The following PPARGC1B variants were observed in gnomAD, a reference collection of about 807,000 sequenced individuals.
The protein encoded by PPARGC1B is peroxisome proliferator-activated receptor gamma coactivator 1-beta.
A neutral mutation model predicts 101.6 loss-of-function variants in PPARGC1B; 34 were observed. The ratio of observed to expected loss-of-function variants is 0.33; its 90% CI spans 0.25 to 0.45. PPARGC1B has a LOEUF of 0.45. Among genes scored for constraint, PPARGC1B ranks in the 20% least tolerant of loss-of-function variants. The pLI is 1.00. For missense variants in PPARGC1B, 1,234 were observed against 1,317.6 expected (o/e 0.94, Z 0.98); for synonymous variants, 548 against 539.3 (o/e 1.02, Z -0.22).
intron 1 of PPARGC1B, among the ~76,000 whole-genome samples, chr5:149,782,830 C>T (rs1411637237): frequency 6.6e-6 from 1 of 152,212 alleles, no homozygotes; most frequent in Non-Finnish European, 1.5e-5. Flanking sequence ...ATTGTGAACC[C>T]ACAGGGCTGG....
In PPARGC1B at chr5:149,765,122, G is replaced by A. The variant is rs554132045; in HGVS notation, c.78+34702G>A. 2.6e-5 allele frequency among the ~76,000 whole-genome samples: 4 copies of A among 152,334 alleles called. No homozygotes were observed. The East Asian group carries it at 7.7e-4, about 29-fold the overall frequency. On this transcript the variant is annotated intron_variant, in intron 1 of 11. Coordinates refer to ENST00000309241, the MANE Select transcript of PPARGC1B (RefSeq NM_133263.4). ...AGAATAGTGCAGAGAAAGAGGGAGG[G>A]ACCCTGTGAAACAGTTAAGTTAGGA...
At chr5:149,793,315 G>C (rs1427085003) in intron 1 of PPARGC1B, among the ~76,000 whole-genome samples, 1 of 152,162 alleles carries the variant, frequency 6.6e-6, no homozygotes, top group Non-Finnish European at 1.5e-5. Context: ...ATGTTCTCCT[G>C]CAGGAAGGGA....
At chr5:149,770,251 G>A (rs897004820) in intron 1 of PPARGC1B, among the ~76,000 whole-genome samples, 1 of 152,128 alleles carries the variant, frequency 6.6e-6, no homozygotes, top group African/African-American at 2.4e-5. Context: ...GACCACTTCA[G>A]TCTGGAAGCC....
chr5:149,833,207 C>A lies in PPARGC1B; in HGVS notation c.1134C>A (p.Pro378=). 1 of 1,613,366 alleles carries A rather than the reference C, an allele frequency of 6.2e-7. No individual in the cohort carries two copies. Among genetic ancestry groups the A allele is most frequent in the Non-Finnish European group, 8.5e-7 (1 of 1,180,006 alleles). The change falls in exon 5 of 12, where the codon CCC becomes CCA. Residue 378 remains proline, a synonymous_variant. Coordinates refer to ENST00000309241, the MANE Select transcript of PPARGC1B (RefSeq NM_133263.4). The surrounding 1 kb of genome is among the most constrained non-coding windows in gnomAD (Gnocchi z 4.1). ...CACCTCGGTCAAGGCCCAGGCCCCCCAAAGACAGTCAGGCCTCCCCTGGTC... is the reference window on the plus strand; with the variant it reads ...CACCTCGGTCAAGGCCCAGGCCCCCAAAAGACAGTCAGGCCTCCCCTGGTC... ...SLTPRSRPRP[P]KDSQASPGRP...
In PPARGC1B at chr5:149,849,774, G is replaced by T. The variant is rs1759703387; in HGVS notation, c.*2216G>T. The T allele has an allele frequency of 1.3e-5, 2 of 152,150 alleles. 1 individual carries two copies. Among genetic ancestry groups the T allele is most frequent in the South Asian group, 4.1e-4 (2 of 4,826 alleles). 9.4% of individuals were successfully genotyped at this position (152,150 alleles called of 1,614,324 possible). On this transcript the variant is annotated 3_prime_UTR_variant, in exon 12 of 12. Coordinates refer to ENST00000309241, the MANE Select transcript of PPARGC1B (RefSeq NM_133263.4). Reference sequence around the variant, plus strand: ...GGCGTAACACTCCCAATACTATTTTGACGCCCACGTCCCCTTGCAGAGGGT... The same window carrying T: ...GGCGTAACACTCCCAATACTATTTTTACGCCCACGTCCCCTTGCAGAGGGT...
At chr5:149,745,314 A>T (rs544824614) in intron 1 of PPARGC1B, among the ~76,000 whole-genome samples, 1 of 152,306 alleles carries the variant, frequency 6.6e-6, no homozygotes, top group Admixed American at 6.5e-5. Flanking sequence ...GGCTTGGTAG[A>T]ACTAATCAGT....
Position 149,760,868 on chromosome 5 carries a change from A to G in PPARGC1B, c.78+30448A>G, listed in dbSNP as rs995773148. Among the ~76,000 whole-genome samples, 18 of 152,192 alleles carry G rather than the reference A, an allele frequency of 1.2e-4. 2 individuals carry two copies. The highest frequency in any genetic ancestry group is 1.1e-3 in the Admixed American group (17 of 15,280). On this transcript the variant is annotated intron_variant, in intron 1 of 11. Coordinates refer to ENST00000309241, the MANE Select transcript of PPARGC1B (RefSeq NM_133263.4). ...TTGGGCATTTAAGGAGAGCTTGCTC[A>G]TCTTGAAGAAAAGTCTCCTAATGCC...
intron 1 of PPARGC1B, among the ~76,000 whole-genome samples, chr5:149,762,152 T>C (rs1261620987): frequency 1.5e-5 from 2 of 130,462 alleles, no homozygotes; most frequent in Admixed American, 7.9e-5. Context: ...AGGAATCCCA[T>C]GGGTTTTTTT....
downstream of PPARGC1B, among the ~76,000 whole-genome samples, chr5:149,855,981 G>A (rs1010616466): frequency 1.3e-5 from 2 of 152,102 alleles, no homozygotes; most frequent in African/African-American, 4.8e-5. Flanking sequence ...GCCCGGCGTG[G>A]TGAGGGGCGC....
At chr5:149,817,667 T>C (rs251460) in intron 1 of PPARGC1B, 113,930 of 454,130 alleles carry the variant, frequency 0.25, 15,225 homozygotes, top group African/African-American at 0.35. Context: ...GCCTGGCTCA[T>C]AGTAGCATTG....
At chr5:149,783,091 A>G (rs201325380) in intron 1 of PPARGC1B, among the ~76,000 whole-genome samples, 6 of 150,040 alleles carry the variant, frequency 4.0e-5, no homozygotes, top group East Asian at 4.0e-4. Context: ...ATGAGAGATA[A>G]AGAGAGAGAG....
At position 149,847,724 on chromosome 5, in the gene PPARGC1B, G is replaced by C. The variant is rs1168215035; in HGVS notation, c.*166G>C. ...TCCTTTAAAAAAAAAAAAAATCAAT[G>C]TTTACATTGAACAAAGCTGCTTCTG... On this transcript the variant is annotated 3_prime_UTR_variant, in exon 12 of 12. Coordinates refer to ENST00000309241, the MANE Select transcript of PPARGC1B (RefSeq NM_133263.4). 1.7e-6 allele frequency: 1 copy of C among 596,528 alleles called. No homozygotes were observed. The highest frequency in any genetic ancestry group is 2.1e-5 in the South Asian group (1 of 46,952). The allele number at this position is 596,528 out of a possible 1,614,324, so 37.0% of individuals were successfully genotyped here.
chr5:149,852,764 C>A lies in PPARGC1B; in HGVS notation c.*5206C>A, dbSNP rs1230016235. 2 of 146,064 alleles carry A rather than the reference C, an allele frequency of 1.4e-5. No homozygotes were observed. The highest frequency in any genetic ancestry group is 5.1e-5 in the African/African-American group (2 of 39,348). The allele number at this position is 146,064 out of a possible 1,614,324, so 9.0% of individuals were successfully genotyped here. A position where few individuals can be genotyped will look rare whatever the true frequency, so the allele number is the denominator to read the frequency against. ...TTAGGAGCTTTTCACACATTTCTTT[C>A]AAATGATTGTAAAACATATGGGGCA... On this transcript the variant is annotated 3_prime_UTR_variant, in exon 12 of 12. Coordinates refer to ENST00000309241, the MANE Select transcript of PPARGC1B (RefSeq NM_133263.4).
chr5:149,734,598 T>A (rs955037517), intron 1 of PPARGC1B, among the ~76,000 whole-genome samples: 1 of 152,188 alleles, frequency 6.6e-6, no homozygotes, highest in East Asian at 1.9e-4. Context: ...AAAACGAATA[T>A]CTTTTTATGT....
intron 1 of PPARGC1B, among the ~76,000 whole-genome samples, chr5:149,734,343 AAAG>A (rs1754612556): frequency 2.0e-5 from 3 of 150,818 alleles, no homozygotes; most frequent in East Asian, 1.9e-4. Context: ...AAAAAAAAAA[AAAG>A]GAGTTATCCT....
intron 1 of PPARGC1B, among the ~76,000 whole-genome samples, chr5:149,783,851 A>G (rs4705377): frequency 0.66 from 100,262 of 152,038 alleles, 34,124 homozygotes; most frequent in African/African-American, 0.82. Flanking sequence ...GAGCATGGCA[A>G]TAACCATCTT....
At chr5:149,846,011 C>A (rs780970763) in intron 11 of PPARGC1B, 97 bp downstream of exon 11, 1 of 1,425,668 alleles carries the variant, frequency 7.0e-7, no homozygotes, top group South Asian at 1.2e-5. Flanking sequence ...GCCTTGTGGA[C>A]ATAGCTTCCA....
chr5:149,731,519 G>A (rs1106870), intron 1 of PPARGC1B, among the ~76,000 whole-genome samples: 234 of 152,304 alleles, frequency 1.5e-3, no homozygotes, highest in Non-Finnish European at 2.9e-3. Flanking sequence ...GCGGCCGGGC[G>A]GAACCGGGCG....
intron 1 of PPARGC1B, among the ~76,000 whole-genome samples, chr5:149,767,147 C>T (rs1363419515): frequency 4.6e-5 from 7 of 152,266 alleles, no homozygotes; most frequent in South Asian, 4.2e-4. Flanking sequence ...TTGGGCATCT[C>T]GGCCCATTTC....
Sources: gnomAD v4.1 joint callset for allele counts (sites outside exome capture counted in the v4.1 genomes callset) on GRCh38, gnomAD v4.1.1 for gene constraint, Gnocchi (gnomAD v3.1) non-coding constraint, MANE v1.5 for transcripts, NCBI Gene and HGNC (gene_info 2026-07-23, HGNC 2026-07-21) for gene names.